The following TMEM163 variants were observed in gnomAD, a reference collection of about 807,000 sequenced individuals.
TMEM163 encodes the protein transmembrane protein 163.
TMEM163 carries 17 observed loss-of-function variants against 29.3 expected under a neutral mutation model. The ratio of observed to expected loss-of-function variants is 0.58; its 90% CI spans 0.40 to 0.87. The LOEUF (loss-of-function observed/expected upper bound fraction) is 0.87, where lower values mean the gene tolerates loss of function less well. TMEM163 is among the 40% of genes least tolerant of loss of function. TMEM163 has a pLI of 0.00. For synonymous variants in TMEM163, 157 were observed against 160.6 expected, an observed-to-expected ratio of 0.98 and a Z score of 0.17; for missense variants, 303 against 381.5, an observed-to-expected ratio of 0.79 and a Z score of 1.71.
At chr2:134,545,242 C>G (rs1680754203) in intron 4 of TMEM163, among the ~76,000 whole-genome samples, 1 of 152,302 alleles carries the variant, frequency 6.6e-6, no homozygotes, top group African/African-American at 2.4e-5. Flanking sequence ...CCCGCACCCC[C>G]AGGCTCCTCT....
At chr2:134,584,438 A>T (rs1315081816) in intron 2 of TMEM163, among the ~76,000 whole-genome samples, 1 of 152,194 alleles carries the variant, frequency 6.6e-6, no homozygotes, top group Non-Finnish European at 1.5e-5. Flanking sequence ...ATGTCCAGAG[A>T]TCATTATGTA....
At chr2:134,638,152 G>A (rs1424910542) in intron 2 of TMEM163, among the ~76,000 whole-genome samples, 4 of 152,238 alleles carry the variant, frequency 2.6e-5, no homozygotes, top group East Asian at 1.9e-4. Context: ...AATTTGTTCC[G>A]TATCAGCAAA....
At chr2:134,466,511 A>G in intron 5 of TMEM163, 2 of 349,984 alleles carry the variant, frequency 5.7e-6, no homozygotes, top group Non-Finnish European at 1.1e-5. Context: ...AATGAGTAGC[A>G]GTCATAGATC....
At position 134,455,842 on chromosome 2, in the gene TMEM163, G is replaced by A. The variant is rs620364; in HGVS notation, c.*874C>T. ...TGGTGTGAGAGGTACAGAACGGTGC[G>A]GGTTGGGGAACACTCTACAGAATCT... On this transcript the variant is annotated 3_prime_UTR_variant, in exon 8 of 8. Transcript: ENST00000281924. 23,453 of 152,410 alleles carry A rather than the reference G, an allele frequency of 0.15. 2,257 individuals are homozygous for A. Among genetic ancestry groups the A allele is most frequent in the South Asian group, 0.29 (1,406 of 4,818 alleles). 9.4% of individuals were successfully genotyped at this position (152,410 alleles called of 1,614,324 possible). A position where few individuals can be genotyped will look rare whatever the true frequency, so the allele number is the denominator to read the frequency against.
intron 4 of TMEM163, among the ~76,000 whole-genome samples, chr2:134,535,567 A>C (rs997924688): frequency 6.6e-6 from 1 of 152,212 alleles, no homozygotes; most frequent in Non-Finnish European, 1.5e-5. Flanking sequence ...CAAAGGGCAT[A>C]AAGTTTCAAT....
intron 4 of TMEM163, among the ~76,000 whole-genome samples, chr2:134,537,813 A>C (rs1377462353): frequency 6.6e-6 from 1 of 152,246 alleles, no homozygotes; most frequent in Non-Finnish European, 1.5e-5. Flanking sequence ...AACAAACGTC[A>C]GTGAGGTGCA....
chr2:134,605,749 A>AAAAAG (rs932534227), intron 2 of TMEM163, among the ~76,000 whole-genome samples: 1 of 152,022 alleles, frequency 6.6e-6, no homozygotes, highest in South Asian at 2.1e-4. Flanking sequence ...GGAGAGGAGA[A>AAAAAG]AAAAGAAAAG....
chr2:134,568,498 C>T (rs1681346898), intron 2 of TMEM163, among the ~76,000 whole-genome samples: 1 of 148,200 alleles, frequency 6.7e-6, no homozygotes, highest in South Asian at 2.1e-4. Flanking sequence ...TGCACTCCAG[C>T]CTGGGTGACA....
chr2:134,507,464 G>C (rs1679849956), intron 4 of TMEM163, among the ~76,000 whole-genome samples: 1 of 152,206 alleles, frequency 6.6e-6, no homozygotes, highest in Admixed American at 6.5e-5. Flanking sequence ...AGCAAATTCT[G>C]AGTGAGTCCA....
chr2:134,583,882 G>A (rs189690997), intron 2 of TMEM163, among the ~76,000 whole-genome samples: 26 of 152,168 alleles, frequency 1.7e-4, no homozygotes, highest in African/African-American at 6.0e-4. Flanking sequence ...ATTATTGAAC[G>A]CATAACTGCT....
At chr2:134,629,889 T>A (rs1031173468) in intron 2 of TMEM163, among the ~76,000 whole-genome samples, 2 of 152,182 alleles carry the variant, frequency 1.3e-5, no homozygotes, top group African/African-American at 4.8e-5. Flanking sequence ...CTGACCAGTG[T>A]TGGTCAGGTA....
chr2:134,622,551 G>T (rs1682762500), intron 2 of TMEM163, among the ~76,000 whole-genome samples: 1 of 152,090 alleles, frequency 6.6e-6, no homozygotes, highest in African/African-American at 2.4e-5. Context: ...TTCTCCACTG[G>T]GCAAGTGATA....
intron 2 of TMEM163, among the ~76,000 whole-genome samples, chr2:134,682,782 G>C (rs547374814): frequency 3.0e-4 from 45 of 152,272 alleles, no homozygotes; most frequent in African/African-American, 1.0e-3. Context: ...CTACCCAAAA[G>C]AGTTGAAAAT....
At chr2:134,495,309 C>G (rs1277637438) in intron 5 of TMEM163, among the ~76,000 whole-genome samples, 1 of 152,160 alleles carries the variant, frequency 6.6e-6, no homozygotes, top group Non-Finnish European at 1.5e-5. Flanking sequence ...GGCACTCCAG[C>G]CTGGGTGGAG....
rs1049802713 is a variant in TMEM163, at chr2:134,588,150, C to T, written c.323-36059G>A. On this transcript the variant is annotated intron_variant, in intron 2 of 7. Transcript: ENST00000281924. ...ACGTGAATGTGGGAACTATTGGTAT[C>T]GTTCCAAAAATCCCACTCCTGGTAG... Among the ~76,000 whole-genome samples the T allele has an allele frequency of 5.9e-5, 9 of 152,168 alleles. No individual in the cohort carries two copies. The South Asian group carries it at 1.5e-3, about 25-fold the overall frequency.
intron 2 of TMEM163, among the ~76,000 whole-genome samples, chr2:134,576,945 C>T (rs1044028519): frequency 1.3e-5 from 2 of 152,314 alleles, no homozygotes; most frequent in African/African-American, 2.4e-5. Flanking sequence ...ACCTCATAAA[C>T]GCCTTTATGC....
intron 2 of TMEM163, among the ~76,000 whole-genome samples, chr2:134,573,956 C>T (rs993065419): frequency 2.0e-5 from 3 of 152,278 alleles, no homozygotes; most frequent in African/African-American, 7.2e-5. Flanking sequence ...CACAGCTTGC[C>T]CAGACAGCCA....
At chr2:134,634,390 TGTAGAGAG>T (rs142796552) in intron 2 of TMEM163, among the ~76,000 whole-genome samples, 6,499 of 152,142 alleles carry the variant, frequency 0.043, 464 homozygotes, top group African/African-American at 0.14. Context: ...CCATGTAAGT[TGTAGAGAG>T]GTTGAGCATG....
rs1251644521 is a variant in TMEM163, at chr2:134,460,410, A to G, written c.668-2237T>C. Among the ~76,000 whole-genome samples, 2 of 151,818 alleles carry G rather than the reference A, an allele frequency of 1.3e-5. No individual in the cohort carries two copies. The highest frequency in any genetic ancestry group is 4.8e-5 in the African/African-American group (2 of 41,286). On this transcript the variant is annotated intron_variant, in intron 6 of 7. Coordinates refer to ENST00000281924, the MANE Select transcript of TMEM163 (RefSeq NM_030923.5). This position sits in a 1 kb window ranked among gnomAD's most constrained non-coding sequence, Gnocchi z 4.3. ...CCCTCCTGCCTCCAGCTAACAGGCG[A>G]GCTTTGCCATTTTAACCGCCCCCCT...
Sources: allele counts gnomAD v4.1 joint callset (sites outside exome capture counted in the v4.1 genomes callset), GRCh38; gene constraint gnomAD v4.1.1; non-coding constraint Gnocchi (gnomAD v3.1); transcripts MANE v1.5; gene names NCBI Gene and HGNC (gene_info 2026-07-23, HGNC 2026-07-21).